GARNL3: variants seen among roughly 807,000 people sequenced by gnomAD.
The protein encoded by GARNL3 is GTPase-activating Rap/Ran-GAP domain-like protein 3.
A neutral mutation model predicts 125.0 loss-of-function variants in GARNL3; 63 were observed. The observed-to-expected ratio is 0.50, with a 90% CI of 0.41 to 0.62. The LOEUF (loss-of-function observed/expected upper bound fraction) is 0.62, where lower values mean the gene tolerates loss of function less well. Among genes scored for constraint, GARNL3 ranks in the 20% least tolerant of loss-of-function variants. The pLI is 0.00. For missense variants in GARNL3, 994 were observed against 1,244.0 expected (o/e 0.80, Z 3.02); for synonymous variants, 439 against 457.5 (o/e 0.96, Z 0.52).
intron 1 of GARNL3, among the ~76,000 whole-genome samples, chr9:127,229,495 T>C (rs141366365): frequency 3.5e-4 from 53 of 152,286 alleles, no homozygotes; most frequent in African/African-American, 1.3e-3. Flanking sequence ...CCATTTTATG[T>C]ATTTATTCAT....
chr9:127,346,692 G>A (rs1830157002), intron 16 of GARNL3, among the ~76,000 whole-genome samples: 1 of 152,154 alleles, frequency 6.6e-6, no homozygotes, highest in Non-Finnish European at 1.5e-5. Context: ...CCACCCGCAG[G>A]CCGTAGACCA....
intron 4 of GARNL3, among the ~76,000 whole-genome samples, chr9:127,317,037 T>C (rs1241750163): frequency 6.6e-6 from 1 of 152,228 alleles, no homozygotes; most frequent in Admixed American, 6.5e-5. Flanking sequence ...TGATAATCCC[T>C]TTTGCTAACT....
chr9:127,271,012 T>C (rs2063810999), intron 1 of GARNL3, among the ~76,000 whole-genome samples: 1 of 150,212 alleles, frequency 6.7e-6, no homozygotes, highest in South Asian at 2.1e-4. Flanking sequence ...GGTCATAGAC[T>C]ATAAACCTGG....
chr9:127,235,190 A>G (rs1430581430), intron 1 of GARNL3, among the ~76,000 whole-genome samples: 1 of 151,010 alleles, frequency 6.6e-6, no homozygotes, highest in Non-Finnish European at 1.5e-5. Flanking sequence ...TTTTTCCCAT[A>G]CTGTCTTCAA....
intron 17 of GARNL3, among the ~76,000 whole-genome samples, chr9:127,349,287 A>G (rs1424037302): frequency 6.6e-6 from 1 of 152,160 alleles, no homozygotes; most frequent in African/African-American, 2.4e-5. Flanking sequence ...GTGGATATCA[A>G]ATGACCTGCA....
chr9:127,384,666 C>A lies in GARNL3; in HGVS notation c.2270-361C>A, dbSNP rs1832447286. ...GGGTCCCAGGCAGGATGGCCTGGGCCTGCAGACAGAATGTCAGGCTGGCGT... is the reference window on the plus strand; with the variant it reads ...GGGTCCCAGGCAGGATGGCCTGGGCATGCAGACAGAATGTCAGGCTGGCGT... On this transcript the variant is annotated intron_variant, in intron 23 of 27. Transcript: ENST00000373387. The surrounding 1 kb of genome is among the most constrained non-coding windows in gnomAD (Gnocchi z 4.0). 6.6e-6 allele frequency among the ~76,000 whole-genome samples: 1 copy of A among 152,186 alleles called. No homozygotes were observed. The highest frequency in any genetic ancestry group is 1.5e-5 in the Non-Finnish European group (1 of 68,040).
chr9:127,233,637 T>C (rs1178931926), intron 1 of GARNL3, among the ~76,000 whole-genome samples: 1 of 152,224 alleles, frequency 6.6e-6, no homozygotes, highest in African/African-American at 2.4e-5. Context: ...AGCCCTACCA[T>C]AGACAGAAGA....
At chr9:127,225,543 C>G (rs1454204051) in intron 1 of GARNL3, 1 of 233,642 alleles carries the variant, frequency 4.3e-6, no homozygotes, top group African/African-American at 2.3e-5. Flanking sequence ...GGAGCCCGGG[C>G]TGAACGGCCG....
rs74357999 is a variant in GARNL3, at chr9:127,392,825, C to T, written c.2871-258C>T. 0.026 allele frequency among the ~76,000 whole-genome samples: 3,970 copies of T among 152,300 alleles called. 166 individuals carry two copies. The highest frequency in any genetic ancestry group is 0.091 in the African/African-American group (3,763 of 41,546). On this transcript the variant is annotated intron_variant, in intron 27 of 27. Transcript: ENST00000373387. This position sits in a 1 kb window ranked among gnomAD's most constrained non-coding sequence, Gnocchi z 5.2. ...AGGGTTTTAGGCAGGATGACATTAT[C>T]TGGATTTGCACTTTAGAAAGGTAGG... is the stretch of plus-strand genomic sequence containing the variant.
In GARNL3 at chr9:127,357,102, C is replaced by T. The variant is rs570935419; in HGVS notation, c.1936-117C>T. The T allele has an allele frequency of 8.1e-6, 8 of 991,562 alleles. No individual in the cohort carries two copies. The South Asian group carries it at 1.1e-4, about 13-fold the overall frequency. The allele number at this position is 991,562 out of a possible 1,614,324, so 61.4% of individuals were successfully genotyped here. ...CCCTTCTTCCCTGTAGCACGGGGCT[C>T]TGCAGGAGCCTGGAGAGGGTGCCTT... On this transcript the variant is annotated intron_variant, in intron 20 of 27. Coordinates refer to ENST00000373387, the MANE Select transcript of GARNL3 (RefSeq NM_032293.5).
intron 1 of GARNL3, among the ~76,000 whole-genome samples, chr9:127,290,747 G>A (rs1185788504): frequency 1.3e-5 from 2 of 152,184 alleles, no homozygotes; most frequent in African/African-American, 4.8e-5. Flanking sequence ...CGCTTTCTCC[G>A]ATGGTAGTAG....
At chr9:127,382,311 A>C (rs551098121) in intron 22 of GARNL3, among the ~76,000 whole-genome samples, 9 of 152,164 alleles carry the variant, frequency 5.9e-5, no homozygotes, top group African/African-American at 2.2e-4. Flanking sequence ...AAAATTAAAA[A>C]TAATAATAAT....
At chr9:127,316,176 T>C (rs2065235497) in intron 4 of GARNL3, among the ~76,000 whole-genome samples, 1 of 152,220 alleles carries the variant, frequency 6.6e-6, no homozygotes, top group Non-Finnish European at 1.5e-5. Context: ...AAGGTGTCAC[T>C]GTCACCCAGT....
intron 22 of GARNL3, among the ~76,000 whole-genome samples, chr9:127,374,045 T>C (rs1831752632): frequency 6.6e-6 from 1 of 151,720 alleles, no homozygotes; most frequent in African/African-American, 2.4e-5. Context: ...TTCACGCCTG[T>C]AATCCAGGCA....
intron 24 of GARNL3, among the ~76,000 whole-genome samples, chr9:127,386,052 C>A (rs986617434): frequency 3.9e-5 from 6 of 152,146 alleles, no homozygotes; most frequent in Non-Finnish European, 8.8e-5. Context: ...TGCTGTTTAT[C>A]ATAAAAATCC....
intron 2 of GARNL3, among the ~76,000 whole-genome samples, chr9:127,295,705 C>T (rs748422828): frequency 6.6e-6 from 1 of 152,088 alleles, no homozygotes; most frequent in African/African-American, 2.4e-5. Context: ...CCTAAAATCA[C>T]TCACAGAATT....
intron 13 of GARNL3, among the ~76,000 whole-genome samples, chr9:127,340,789 C>G (rs1239755506): frequency 6.6e-6 from 1 of 151,992 alleles, no homozygotes; most frequent in Non-Finnish European, 1.5e-5. Flanking sequence ...GCCAGTCCCT[C>G]AGGCCAGGGC....
rs1412059853 is a variant in GARNL3, at chr9:127,357,235, A to T, written c.1952A>T (p.Asp651Val). Residue 651 changes from aspartate to valine, a missense_variant, in exon 21 of 28, where the codon GAC becomes GTC. Transcript: ENST00000373387. ...FQYIREICLS[D>V]SPMVMTLVDG... ...ACCACACAGGAGATCTGTCTGTCTG[A>T]CTCTCCCATGGTGATGACCTTAGTG... 6.2e-7 allele frequency: 1 copy of T among 1,613,778 alleles called. No homozygotes were observed. Among genetic ancestry groups the T allele is most frequent in the African/African-American group, 1.3e-5 (1 of 74,808 alleles).
At chr9:127,313,171 A>G (rs2065141063) in intron 3 of GARNL3, among the ~76,000 whole-genome samples, 1 of 152,102 alleles carries the variant, frequency 6.6e-6, no homozygotes, top group Non-Finnish European at 1.5e-5. Context: ...GGTATTTAGG[A>G]GTGAGGAAGC....
Sources: gnomAD v4.1 joint callset for allele counts (sites outside exome capture counted in the v4.1 genomes callset) on GRCh38, gnomAD v4.1.1 for gene constraint, Gnocchi (gnomAD v3.1) non-coding constraint, MANE v1.5 for transcripts, NCBI Gene and HGNC (gene_info 2026-07-23, HGNC 2026-07-21) for gene names.